The following GGPS1 variants were observed in gnomAD, a reference collection of about 807,000 sequenced individuals.
GGPS1 encodes the protein geranylgeranyl pyrophosphate synthase.
GGPS1 carries 15 observed loss-of-function variants against 28.1 expected under a neutral mutation model. That is an observed-to-expected ratio of 0.53 (90% CI 0.36 to 0.82). The LOEUF (loss-of-function observed/expected upper bound fraction) is 0.82, where lower values mean the gene tolerates loss of function less well. Ranked by LOEUF, GGPS1 falls within the 40% of genes least tolerant of loss-of-function variation. GGPS1 has a pLI of 0.01. For missense variants in GGPS1, 284 were observed against 348.3 expected, an observed-to-expected ratio of 0.82 and a Z score of 1.47; for synonymous variants, 138 against 122.4, an observed-to-expected ratio of 1.13 and a Z score of -0.84.
At chr1:235,336,884 T>C (rs1572270727) in intron 2 of GGPS1, 1 of 153,874 alleles carries the variant, frequency 6.5e-6, no homozygotes, top group African/African-American at 2.4e-5. Flanking sequence ...GTGCTACACC[T>C]TGGAAACCAT....
At chr1:235,341,013 G>A (rs1357617161) in intron 2 of GGPS1, among the ~76,000 whole-genome samples, 3 of 152,046 alleles carry the variant, frequency 2.0e-5, no homozygotes, top group Admixed American at 6.6e-5. Context: ...TGTAAAATAG[G>A]TAGTGCCAAT....
intron 2 of GGPS1, among the ~76,000 whole-genome samples, chr1:235,337,703 C>G (rs1369405182): frequency 6.6e-6 from 1 of 151,946 alleles, no homozygotes; most frequent in Non-Finnish European, 1.5e-5. Flanking sequence ...GTAGCGCATG[C>G]CTGTAGTCCC....
At chr1:235,333,983 G>C (rs564647397) in intron 1 of GGPS1, among the ~76,000 whole-genome samples, 1 of 152,240 alleles carries the variant, frequency 6.6e-6, no homozygotes, top group South Asian at 2.1e-4. Flanking sequence ...CAGATACAAA[G>C]AAATAAAGTA....
intron 2 of GGPS1, 122 bp downstream of exon 2, chr1:235,335,456 A>G (rs1353342202): frequency 1.1e-5 from 6 of 536,188 alleles, no homozygotes; most frequent in Non-Finnish European, 1.7e-5. Context: ...GGTGATGCGT[A>G]TGAGAAAAAT....
rs759076234 is a variant in GGPS1 at position 235,330,852 on chromosome 1, A to G, written c.-24+2074A>G. ...GGCTGTGAGAAAATATACAAACGTGATTCTTGCTCCCAACTTGTAGTTGAG... is the reference window on the plus strand; with the variant it reads ...GGCTGTGAGAAAATATACAAACGTGGTTCTTGCTCCCAACTTGTAGTTGAG... On this transcript the variant is annotated intron_variant, in intron 1 of 3. Coordinates refer to ENST00000282841, the MANE Select transcript of GGPS1 (RefSeq NM_004837.4). Among the ~76,000 whole-genome samples the G allele has an allele frequency of 9.5e-4, 144 of 152,232 alleles. 1 individual carries two copies. Among genetic ancestry groups the G allele is most frequent in the Non-Finnish European group, 1.1e-3 (77 of 68,040 alleles).
chr1:235,340,335 T>C (rs991108633), intron 2 of GGPS1, among the ~76,000 whole-genome samples: 1 of 151,878 alleles, frequency 6.6e-6, no homozygotes, highest in Non-Finnish European at 1.5e-5. Flanking sequence ...CCGGGCGTGG[T>C]CGCTTGCACC....
At chr1:235,329,430 C>CA (rs1263860035) in intron 1 of GGPS1, 1 of 152,270 alleles carries the variant, frequency 6.6e-6, no homozygotes, top group Non-Finnish European at 1.5e-5. Flanking sequence ...GGCAGTGCCC[C>CA]AGAGGAGAGT....
At position 235,338,494 on chromosome 1, in the gene GGPS1, C is replaced by G. The variant is rs542763741; in HGVS notation, c.70+3160C>G. On this transcript the variant is annotated intron_variant, in intron 2 of 3. Coordinates refer to ENST00000282841, the MANE Select transcript of GGPS1 (RefSeq NM_004837.4). ...CCTCAAAAATAAGCCATATATTGTA[C>G]TGTTTTCTATATAACATTCAAAAGT... Among the ~76,000 whole-genome samples, 3 of 152,222 alleles carry G rather than the reference C, an allele frequency of 2.0e-5. No homozygotes were observed. The East Asian group carries it at 5.8e-4, about 29-fold the overall frequency.
At chr1:235,331,783 A>G (rs1675724614) in intron 1 of GGPS1, among the ~76,000 whole-genome samples, 2 of 152,112 alleles carry the variant, frequency 1.3e-5, no homozygotes, top group Admixed American at 6.5e-5. Flanking sequence ...ACCCATTATC[A>G]TGTGCTTACC....
rs1399026073 is a variant in GGPS1 at position 235,341,576 on chromosome 1, G to A, written c.71-132G>A. The A allele has an allele frequency of 5.8e-6, 4 of 687,926 alleles. No homozygotes were observed. In the Admixed American group the frequency reaches 9.8e-5, roughly 17 times the overall value. The allele number at this position is 687,926 out of a possible 1,614,324, so 42.6% of individuals were successfully genotyped here. ...CAGTGCAAGGCAAGCTCTGCAGTAG[G>A]TAATGGATTGATGAGGCTGGATTTA... On this transcript the variant is annotated intron_variant, in intron 2 of 3. Coordinates refer to ENST00000282841, the MANE Select transcript of GGPS1 (RefSeq NM_004837.4).
At chr1:235,333,052 A>T (rs1363505034) in intron 1 of GGPS1, among the ~76,000 whole-genome samples, 1 of 117,992 alleles carries the variant, frequency 8.5e-6, no homozygotes, top group African/African-American at 3.4e-5. Context: ...TGGGCGACAG[A>T]GTGAGACTCC....
At chr1:235,339,037 C>G (rs747008332) in intron 2 of GGPS1, among the ~76,000 whole-genome samples, 1 of 151,914 alleles carries the variant, frequency 6.6e-6, no homozygotes, top group Non-Finnish European at 1.5e-5. Flanking sequence ...CGGTAGCTCA[C>G]GCATGTAATC....
chr1:235,330,726 A>T (rs1675686535), intron 1 of GGPS1: 1 of 152,218 alleles, frequency 6.6e-6, no homozygotes, highest in South Asian at 2.1e-4. Context: ...ATTAGCTCTG[A>T]TTTCTGTGCA....
chr1:235,342,848 T>C lies in GGPS1; in HGVS notation c.*76T>C. The C allele has an allele frequency of 9.7e-7, 1 of 1,028,180 alleles. No homozygotes were observed. The highest frequency in any genetic ancestry group is 1.4e-6 in the Non-Finnish European group (1 of 703,432). 63.7% of individuals were successfully genotyped at this position (1,028,180 alleles called of 1,614,324 possible). A position where few individuals can be genotyped will look rare whatever the true frequency, so the allele number is the denominator to read the frequency against. ...TTTTGTCTTTTAGCCTTACCACCTTTTAAAAAATTTGTTATTCTCCAGAAA... is the reference window on the plus strand; with the variant it reads ...TTTTGTCTTTTAGCCTTACCACCTTCTAAAAAATTTGTTATTCTCCAGAAA... On this transcript the variant is annotated 3_prime_UTR_variant, in exon 4 of 4. Coordinates refer to ENST00000282841, the MANE Select transcript of GGPS1 (RefSeq NM_004837.4).
At chr1:235,333,070 A>G (rs1675765042) in intron 1 of GGPS1, among the ~76,000 whole-genome samples, 2 of 145,506 alleles carry the variant, frequency 1.4e-5, no homozygotes, top group Non-Finnish European at 3.0e-5. Context: ...TCCGTCTCAA[A>G]AAAAAAAAAA....
At chr1:235,333,114 A>G (rs1675766894) in intron 1 of GGPS1, among the ~76,000 whole-genome samples, 1 of 151,386 alleles carries the variant, frequency 6.6e-6, no homozygotes, top group South Asian at 2.1e-4. Context: ...CACTGTTACA[A>G]TAAATAACAG....
At chr1:235,338,566 A>G (rs1482642443) in intron 2 of GGPS1, among the ~76,000 whole-genome samples, 2 of 152,242 alleles carry the variant, frequency 1.3e-5, no homozygotes, top group Admixed American at 6.5e-5. Context: ...TTTCATCTTC[A>G]AAAAAATGTG....
At chr1:235,333,784 A>G (rs145008761) in intron 1 of GGPS1, among the ~76,000 whole-genome samples, 193 of 152,354 alleles carry the variant, frequency 1.3e-3, no homozygotes, top group African/African-American at 4.5e-3. Context: ...ACAAACTGCC[A>G]TTAGATGCCA....
chr1:235,329,106 A>G (rs1675589632), intron 1 of GGPS1: 1 of 152,296 alleles, frequency 6.6e-6, no homozygotes, highest in African/African-American at 2.4e-5. Context: ...TTCCCTGTTT[A>G]TATCAGGCGG....
Sources: allele counts gnomAD v4.1 joint callset (sites outside exome capture counted in the v4.1 genomes callset), GRCh38; gene constraint gnomAD v4.1.1; transcripts MANE v1.5; gene names NCBI Gene and HGNC (gene_info 2026-07-23, HGNC 2026-07-21).